Variants in OBSL1 observed in about 807,000 individuals in gnomAD.
OBSL1 encodes the protein obscurin-like protein 1.
In OBSL1, 160 loss-of-function variants were observed where a neutral mutation model predicts 172.0. That is an observed-to-expected ratio of 0.93 (90% CI 0.82 to 1.06). The LOEUF is 1.06. Among genes scored for constraint, OBSL1 ranks in the 50% least tolerant of loss-of-function variants. The probability of loss-of-function intolerance (pLI) is 0.00; values close to 1 mark genes in which losing one functional copy is unlikely to be tolerated. For missense variants in OBSL1, 2,681 were observed against 2,715.4 expected, an observed-to-expected ratio of 0.99 and a Z score of 0.28; for synonymous variants, 1,200 against 1,196.3, an observed-to-expected ratio of 1.00 and a Z score of -0.06.
intron 19 of OBSL1, 45 bp downstream of exon 19, chr2:219,552,067 G>A (rs1361789000): frequency 6.6e-6 from 10 of 1,522,976 alleles, no homozygotes; most frequent in African/African-American, 1.4e-5. Flanking sequence ...CATGGCAGGA[G>A]AGACAGGATG....
Position 219,552,556 on chromosome 2 carries a change from C to A in OBSL1, c.5288G>T (p.Arg1763Leu), listed in dbSNP as rs759264064. 6.3e-7 allele frequency: 1 copy of A among 1,596,130 alleles called. No homozygotes were observed. Among genetic ancestry groups the A allele is most frequent in the Middle Eastern group, 1.7e-4 (1 of 5,956 alleles). Residue 1763 changes from arginine (R) to leucine (L), a missense_variant, in exon 18 of 21, where the codon CGC becomes CTC. Around this residue, in one of 5 missense-constraint regions of OBSL1, gnomAD observed 1,765 missense variants for 1,748.3 expected, o/e 1.01. Coordinates refer to ENST00000404537, the MANE Select transcript of OBSL1 (RefSeq NM_015311.3). ...CAGACCTTCCTGTCGGATGCGGACG[C>A]GGGCTCCGGGTCTCAGCGGGCGGCC... The part of the protein sequence containing the change: ...LGGRPLRPGA[R>L]VRIRQEGKKH...
Position 219,556,306 on chromosome 2 carries a change from A to C in OBSL1, c.4337-14T>G. On this transcript the variant is annotated splice_polypyrimidine_tract_variant and intron_variant, in intron 13 of 20. Transcript: ENST00000404537. ...GCAGCTCTGTCTCTGGTGGGGAAGA[A>C]GGAGGCCATGGAGTCTGGTGGGGTT... 1.3e-6 allele frequency: 2 copies of C among 1,572,998 alleles called. No individual in the cohort carries two copies. The highest frequency in any genetic ancestry group is 1.7e-6 in the Non-Finnish European group (2 of 1,156,206).
At position 219,565,528 on chromosome 2, in the gene OBSL1, A is replaced by G. The variant is rs202092945; in HGVS notation, c.2135-14T>C. 4 of 1,601,048 alleles carry G rather than the reference A, an allele frequency of 2.5e-6. No individual in the cohort carries two copies. Among genetic ancestry groups the G allele is most frequent in the Non-Finnish European group, 3.4e-6 (4 of 1,177,742 alleles). On this transcript the variant is annotated splice_polypyrimidine_tract_variant and intron_variant, in intron 5 of 20. Transcript: ENST00000404537. Reference sequence around the variant, plus strand: ...GCACCGGGCTCTCTGTGTGGGGAGAAGTACAGATAAGCACCCCTCCCTCCG... The same window carrying G: ...GCACCGGGCTCTCTGTGTGGGGAGAGGTACAGATAAGCACCCCTCCCTCCG...
Position 219,567,718 on chromosome 2 carries a change from A to G in OBSL1, c.1534T>C (p.Cys512Arg), listed in dbSNP as rs1159448475. Reference protein sequence around the residue: ...SRTTTLLRVKCVKHSPPGPPI... With the variant: ...SRTTTLLRVKRVKHSPPGPPI... The stretch of plus-strand genomic sequence containing the variant: ...TGTCCAGAGGCCTTCCTGCCCTCAC[A>G]TTTTACTCTGAGAAGCGTAGTGGTA... The change falls in exon 3 of 21, where the codon TGT (cysteine) becomes CGT (arginine). Residue 512 changes from cysteine (C) to arginine (R), a missense_variant and splice_region_variant. Transcript: ENST00000404537. 3 of 1,605,830 alleles carry G rather than the reference A, an allele frequency of 1.9e-6. No homozygotes were observed. Among genetic ancestry groups the G allele is most frequent in the East Asian group, 2.2e-5 (1 of 44,612 alleles).
At chr2:219,560,729 C>A (rs1413632681) in intron 8 of OBSL1, among the ~76,000 whole-genome samples, 1 of 152,228 alleles carries the variant, frequency 6.6e-6, no homozygotes, top group Non-Finnish European at 1.5e-5. Context: ...CAACCCACCT[C>A]CCCCATGGGC....
At chr2:219,554,781 G>T (rs1193142084) in intron 14 of OBSL1, 41 bp from the exon 15 acceptor site, 5 of 1,506,092 alleles carry the variant, frequency 3.3e-6, no homozygotes, top group Non-Finnish European at 3.6e-6. Flanking sequence ...GAGGCCTCCA[G>T]CTCTGGGCAG....
At chr2:219,557,226 C>A in intron 12 of OBSL1, 117 bp downstream of exon 12, 5 of 1,009,084 alleles carry the variant, frequency 5.0e-6, no homozygotes, top group Non-Finnish European at 7.0e-6. Flanking sequence ...TGGTCATGCA[C>A]GCACTGGTTG....
Position 219,568,288 on chromosome 2 carries a change from A to G in OBSL1, c.1049T>C (p.Val350Ala). The change falls in exon 2 of 21, where the codon GTG (valine) becomes GCG (alanine). Residue 350 changes from valine to alanine, a missense_variant. Physicochemically the swap from Val to Ala is moderately conservative, Grantham distance 64 (BLOSUM62 0). Transcript: ENST00000404537. This position sits in a 1 kb window ranked among gnomAD's most constrained non-coding sequence, Gnocchi z 4.1. ...RLRFTRPLQD[V>A]EGREHGIAVL... is the part of the protein sequence containing the mutation. ...GGCAATCCCGTGCTCACGGCCCTCC[A>G]CGTCCTGCAGGGGCCGTGTGAACCG... is the stretch of plus-strand genomic sequence containing the variant. 1 of 1,608,676 alleles carries G rather than the reference A, an allele frequency of 6.2e-7. No homozygotes were observed. Among genetic ancestry groups the G allele is most frequent in the Non-Finnish European group, 8.5e-7 (1 of 1,177,812 alleles).
intron 20 of OBSL1, 28 bp from the exon 21 acceptor site, chr2:219,550,870 TGG>T (rs767314744): frequency 8.9e-6 from 14 of 1,577,360 alleles, no homozygotes; most frequent in Middle Eastern, 1.7e-4. Context: ...CACATGGGGC[TGG>T]GGAGAGAAGG....
chr2:219,547,789 G>A, downstream of OBSL1: 1 of 1,593,580 alleles, frequency 6.3e-7, no homozygotes, highest in South Asian at 1.1e-5. Context: ...GGGGTCCACT[G>A]GGGCTGTTGC....
At chr2:219,548,233 G>A (rs1220179259), downstream of OBSL1, 1 of 727,276 alleles carries the variant, frequency 1.4e-6, no homozygotes, top group Non-Finnish European at 2.2e-6. Flanking sequence ...TAGCACCCAG[G>A]TGCCATCATT....
downstream of OBSL1, chr2:219,547,913 G>A (rs778908149): frequency 1.1e-5 from 17 of 1,595,978 alleles, no homozygotes; most frequent in Admixed American, 1.3e-4. Context: ...TGACTACTTC[G>A]CCGAGCTGCT....
chr2:219,549,901 G>C (rs1310032219), downstream of OBSL1: 6 of 1,590,916 alleles, frequency 3.8e-6, no homozygotes, highest in African/African-American at 1.3e-5. Flanking sequence ...CTGCCAGCTC[G>C]AGGAGGCCTG....
downstream of OBSL1, chr2:219,549,576 G>GT (rs1695494421): frequency 1.5e-6 from 2 of 1,346,488 alleles, no homozygotes; most frequent in Admixed American, 2.4e-5. Flanking sequence ...GTGGGATATG[G>GT]TATGTGGTGG....
rs763406048 is a variant in OBSL1, at chr2:219,557,897, T to C, written c.3716A>G (p.His1239Arg). 5.0e-6 allele frequency: 8 copies of C among 1,602,458 alleles called. No homozygotes were observed. The East Asian group carries it at 1.8e-4, about 36-fold the overall frequency. Residue 1239 changes from histidine to arginine, a missense_variant, in exon 11 of 21, where the codon CAT becomes CGT. Around this residue, in one of 5 missense-constraint regions of OBSL1, gnomAD observed 1,765 missense variants for 1,748.3 expected, o/e 1.01. Coordinates refer to ENST00000404537, the MANE Select transcript of OBSL1 (RefSeq NM_015311.3). ...VLCIQAAGPAHAGLYTCQSGA... is the reference protein window; with the variant it reads ...VLCIQAAGPARAGLYTCQSGA... The stretch of plus-strand genomic sequence containing the variant: ...AGACTGGCAGGTGTAGAGCCCTGCA[T>C]GGGCTGGGCCTGCAGCCTGGATGCA...
chr2:219,548,020 C>T (rs925406073), downstream of OBSL1: 29 of 1,590,978 alleles, frequency 1.8e-5, no homozygotes, highest in Non-Finnish European at 2.4e-5. Flanking sequence ...GGCCCCTGCT[C>T]AGCCTGATGG....
intron 15 of OBSL1, among the ~76,000 whole-genome samples, chr2:219,554,036 C>T (rs1695827478): frequency 6.6e-6 from 1 of 151,946 alleles, no homozygotes; most frequent in South Asian, 2.1e-4. Context: ...GGGGGACACT[C>T]AAGCAGACTT....
At position 219,557,830 on chromosome 2, in the gene OBSL1, C is replaced by G; in HGVS notation, c.3783G>C (p.Gln1261His). 1 of 1,597,770 alleles carries G rather than the reference C, an allele frequency of 6.3e-7. No individual in the cohort carries two copies. Among genetic ancestry groups the G allele is most frequent in the Non-Finnish European group, 8.5e-7 (1 of 1,179,042 alleles). ...TGCCCAGGCTGTACTCACCAGCCACCTGGACGGTGAAGCTGAGGCTTGGGG... is the reference window on the plus strand; with the variant it reads ...TGCCCAGGCTGTACTCACCAGCCACGTGGACGGTGAAGCTGAGGCTTGGGG... ...PGAPSLSFTV[Q>H]VAEPPVRVVA... Residue 1261 changes from glutamine (Q) to histidine (H), a missense_variant, in exon 11 of 21, where the codon CAG becomes CAC. Physicochemically the swap from Gln to His is conservative, Grantham distance 24. This residue lies in a region of OBSL1 where 1,765 missense variants were observed against 1,748.3 expected (regional missense o/e 1.01). Transcript: ENST00000404537.
In OBSL1 at chr2:219,570,585, G is replaced by A; in HGVS notation, c.648C>T (p.Gly216=). 1 of 1,522,952 alleles carries A rather than the reference G, an allele frequency of 6.6e-7. No individual in the cohort carries two copies. The highest frequency in any genetic ancestry group is 8.8e-7 in the Non-Finnish European group (1 of 1,139,082). 94.3% of individuals were successfully genotyped at this position (1,522,952 alleles called of 1,614,324 possible). A position where few individuals can be genotyped will look rare whatever the true frequency, so the allele number is the denominator to read the frequency against. Residue 216 remains glycine, a synonymous_variant, in exon 1 of 21, where the codon GGC becomes GGT. Coordinates refer to ENST00000404537, the MANE Select transcript of OBSL1 (RefSeq NM_015311.3). ...VYVCHARNAH[G]HAQAGALLQV... ...GGAGCAGCGCCCCCGCCTGCGCGTG[G>A]CCGTGCGCGTTGCGGGCGTGGCACA...
Sources: gnomAD v4.1 joint callset for allele counts (sites outside exome capture counted in the v4.1 genomes callset) on GRCh38, gnomAD v4.1.1 for gene constraint, gnomAD v4.1.1 regional missense constraint, Gnocchi (gnomAD v3.1) non-coding constraint, MANE v1.5 for transcripts, NCBI Gene and HGNC (gene_info 2026-07-23, HGNC 2026-07-21) for gene names.